Variants in RUNDC3B observed in about 807,000 individuals in gnomAD.
The protein encoded by RUNDC3B is RUN domain-containing protein 3B.
A neutral mutation model predicts 58.4 loss-of-function variants in RUNDC3B; 33 were observed. The observed-to-expected ratio is 0.56, with a 90% CI of 0.43 to 0.75. The LOEUF is 0.75. Among genes scored for constraint, RUNDC3B ranks in the 30% least tolerant of loss-of-function variants. The pLI, the probability that RUNDC3B is intolerant of heterozygous loss-of-function variation, is 0.00. For missense variants in RUNDC3B, 501 were observed against 535.7 expected (o/e 0.94, Z 0.64); for synonymous variants, 193 against 195.2 (o/e 0.99, Z 0.10).
rs899269564 is a variant in RUNDC3B at position 87,681,161 on chromosome 7, T to C, written c.239-19260T>C. Among the ~76,000 whole-genome samples, 3 of 150,626 alleles carry C rather than the reference T, an allele frequency of 2.0e-5. 1 individual carries two copies. In the East Asian group the frequency reaches 5.9e-4, roughly 30 times the overall value. On this transcript the variant is annotated intron_variant, in intron 2 of 10. Transcript: ENST00000394654. Reference sequence around the variant, plus strand: ...AAGAAGTAGATAACACAAATAGTCCTATATCTATTAAAGAAGTTGAATCAG... The same window carrying C: ...AAGAAGTAGATAACACAAATAGTCCCATATCTATTAAAGAAGTTGAATCAG...
chr7:87,735,874 A>G (rs1831895698), intron 4 of RUNDC3B, among the ~76,000 whole-genome samples: 1 of 152,112 alleles, frequency 6.6e-6, no homozygotes, highest in Non-Finnish European at 1.5e-5. Context: ...CCCCTAGACT[A>G]TATGCTTCAT....
intron 6 of RUNDC3B, among the ~76,000 whole-genome samples, chr7:87,751,046 T>C (rs1459752338): frequency 1.3e-5 from 2 of 152,214 alleles, no homozygotes; most frequent in Non-Finnish European, 2.9e-5. Context: ...CCTCTTCAAT[T>C]GATTTTTGTA....
rs191296606 is a variant in RUNDC3B at position 87,689,997 on chromosome 7, T to A, written c.239-10424T>A. Among the ~76,000 whole-genome samples, 754 of 152,150 alleles carry A rather than the reference T, an allele frequency of 5.0e-3. 4 individuals are homozygous for A. The highest frequency in any genetic ancestry group is 0.017 in the African/African-American group (704 of 41,516). The stretch of plus-strand genomic sequence containing the variant: ...GCTGTCATAGATTTTTTTTTAAAAA[T>A]TTTTAAATTTTTTATAGAGACAGAG... On this transcript the variant is annotated intron_variant, in intron 2 of 10. Coordinates refer to ENST00000394654, the MANE Select transcript of RUNDC3B (RefSeq NM_001134405.2).
intron 2 of RUNDC3B, among the ~76,000 whole-genome samples, chr7:87,689,108 G>T (rs375405876): frequency 6.6e-6 from 1 of 151,894 alleles, no homozygotes; most frequent in Non-Finnish European, 1.5e-5. Flanking sequence ...GGGGAAGGGG[G>T]ATTATCACAA....
chr7:87,650,075 T>C (rs1448392242), intron 1 of RUNDC3B, among the ~76,000 whole-genome samples: 2 of 152,348 alleles, frequency 1.3e-5, no homozygotes, highest in African/African-American at 4.8e-5. Flanking sequence ...TTCTCATTAA[T>C]GCTCACGTCC....
intron 2 of RUNDC3B, among the ~76,000 whole-genome samples, chr7:87,664,877 G>A (rs890028959): frequency 1.3e-5 from 2 of 152,088 alleles, no homozygotes; most frequent in Admixed American, 6.6e-5. Context: ...AAGAAGCTTA[G>A]CAAAGCATTT....
chr7:87,698,132 C>T (rs1394676013), intron 2 of RUNDC3B, among the ~76,000 whole-genome samples: 1 of 152,200 alleles, frequency 6.6e-6, no homozygotes, highest in Non-Finnish European at 1.5e-5. Flanking sequence ...CGAAGTCTCA[C>T]TCTGTCACCC....
chr7:87,656,121 G>A (rs1585017809), intron 2 of RUNDC3B, among the ~76,000 whole-genome samples: 1 of 152,060 alleles, frequency 6.6e-6, no homozygotes, highest in Admixed American at 6.6e-5. Flanking sequence ...TATTGTTATA[G>A]CAATACAAAA....
At chr7:87,827,159 A>G (rs1235701971) in intron 10 of RUNDC3B, among the ~76,000 whole-genome samples, 1 of 152,196 alleles carries the variant, frequency 6.6e-6, no homozygotes, top group East Asian at 1.9e-4. Context: ...GGCTAAATAT[A>G]AAGGAATAGA....
rs1018364704 is a variant in RUNDC3B, at chr7:87,831,284, A to G, written c.*1254A>G. On this transcript the variant is annotated 3_prime_UTR_variant, in exon 11 of 11. Coordinates refer to ENST00000394654, the MANE Select transcript of RUNDC3B (RefSeq NM_001134405.2). Reference sequence around the variant, plus strand: ...GGCCACAGTACTTACTGAGGACTTCATATGGTTTTTTTGTTTATTATTATT... The same window carrying G: ...GGCCACAGTACTTACTGAGGACTTCGTATGGTTTTTTTGTTTATTATTATT... 1.3e-5 allele frequency: 2 copies of G among 151,852 alleles called. No individual in the cohort carries two copies. Among genetic ancestry groups the G allele is most frequent in the African/African-American group, 4.8e-5 (2 of 41,408 alleles). The allele number at this position is 151,852 out of a possible 1,614,324, so 9.4% of individuals were successfully genotyped here.
rs1387564641 is a variant in RUNDC3B at position 87,750,327 on chromosome 7, C to T, written c.629+8748C>T. 6.1e-4 allele frequency among the ~76,000 whole-genome samples: 92 copies of T among 151,614 alleles called. 1 individual carries two copies. Among genetic ancestry groups the T allele is most frequent in the Non-Finnish European group, 1.1e-3 (72 of 67,816 alleles). ...AAGTCTTTGCTATTGTGAATAATGC[C>T]GCAATAAACATACGTGTGCATGTGT... is the stretch of plus-strand genomic sequence containing the variant. On this transcript the variant is annotated intron_variant, in intron 6 of 10. Coordinates refer to ENST00000394654, the MANE Select transcript of RUNDC3B (RefSeq NM_001134405.2).
At chr7:87,653,419 G>C (rs1031060095) in intron 2 of RUNDC3B, among the ~76,000 whole-genome samples, 1 of 152,064 alleles carries the variant, frequency 6.6e-6, no homozygotes, top group African/African-American at 2.4e-5. Flanking sequence ...TACCACTTCA[G>C]CTAGCACAAA....
Position 87,663,007 on chromosome 7 carries a change from T to G in RUNDC3B, c.238+12070T>G, listed in dbSNP as rs537635888. ...TTCTAGGTATTTTACTTATAGCAAT[T>G]ATAAATAATAGTACTTGATTTCTTT... On this transcript the variant is annotated intron_variant, in intron 2 of 10. Coordinates refer to ENST00000394654, the MANE Select transcript of RUNDC3B (RefSeq NM_001134405.2). Among the ~76,000 whole-genome samples the G allele has an allele frequency of 6.4e-4, 97 of 152,124 alleles. 1 individual carries two copies. Among genetic ancestry groups the G allele is most frequent in the African/African-American group, 2.2e-3 (92 of 41,556 alleles).
intron 6 of RUNDC3B, among the ~76,000 whole-genome samples, chr7:87,766,716 GC>G (rs1195766330): frequency 6.6e-6 from 1 of 151,896 alleles, no homozygotes; most frequent in Non-Finnish European, 1.5e-5. Context: ...ATGATCATAT[GC>G]CTTGGTGGTG....
At chr7:87,729,059 T>G (rs1160414426) in intron 4 of RUNDC3B, among the ~76,000 whole-genome samples, 3 of 152,226 alleles carry the variant, frequency 2.0e-5, no homozygotes, top group African/African-American at 7.2e-5. Flanking sequence ...TCTGTCTATC[T>G]TATTAAAGTT....
intron 2 of RUNDC3B, among the ~76,000 whole-genome samples, chr7:87,674,257 G>A (rs899173963): frequency 6.6e-6 from 1 of 152,190 alleles, no homozygotes; most frequent in Non-Finnish European, 1.5e-5. Context: ...CAGTGGAAGC[G>A]AGGCAGTGAT....
intron 8 of RUNDC3B, among the ~76,000 whole-genome samples, chr7:87,792,896 CT>C (rs1835602524): frequency 6.6e-6 from 1 of 151,758 alleles, no homozygotes; most frequent in African/African-American, 2.4e-5. Flanking sequence ...ATACAAAAGA[CT>C]GATGAAAGAA....
intron 1 of RUNDC3B, 149 bp downstream of exon 1, chr7:87,629,094 C>A: frequency 1.4e-6 from 1 of 729,502 alleles, no homozygotes; most frequent in Non-Finnish European, 1.9e-6. Context: ...GAGCGCGCAG[C>A]TCCTTGGACA....
intron 6 of RUNDC3B, among the ~76,000 whole-genome samples, chr7:87,742,575 A>AATAGATAGATAGATAG (rs3028187): frequency 2.0e-4 from 29 of 147,852 alleles, no homozygotes; most frequent in East Asian, 4.0e-4. Flanking sequence ...ATCATAGATA[A>AATAGATAGATAGATAG]ATAGATAGAT....
Sources: allele counts gnomAD v4.1 joint callset (sites outside exome capture counted in the v4.1 genomes callset), GRCh38; gene constraint gnomAD v4.1.1; transcripts MANE v1.5; gene names NCBI Gene and HGNC (gene_info 2026-07-23, HGNC 2026-07-21).